CSMD1: variants seen among roughly 807,000 people sequenced by gnomAD.
CSMD1 encodes the protein CUB and Sushi multiple domains 1.
In CSMD1, 213 loss-of-function variants were observed where a neutral mutation model predicts 417.5. That is an observed-to-expected ratio of 0.51 (90% CI 0.46 to 0.57). The LOEUF (loss-of-function observed/expected upper bound fraction) is 0.57. Ranked by LOEUF, CSMD1 falls within the 20% of genes least tolerant of loss-of-function variation. The pLI is 0.00. For synonymous variants in CSMD1, 2,862 were observed against 1,736.8 expected, an observed-to-expected ratio of 1.65 and a Z score of -16.11; for missense variants, 6,923 against 4,529.7, an observed-to-expected ratio of 1.53 and a Z score of -15.17.
At chr8:4,465,022 A>T (rs1018162608) in intron 2 of CSMD1, among the ~76,000 whole-genome samples, 10 of 152,130 alleles carry the variant, frequency 6.6e-5, no homozygotes, top group African/African-American at 2.4e-4. Context: ...GGAAAGGAAG[A>T]AAATAGGAAA....
At chr8:3,299,611 C>T (rs1268038080) in intron 25 of CSMD1, among the ~76,000 whole-genome samples, 1 of 151,982 alleles carries the variant, frequency 6.6e-6, no homozygotes, top group Non-Finnish European at 1.5e-5. Context: ...AATTCTGCCT[C>T]ACAAAGTGTG....
intron 1 of CSMD1, among the ~76,000 whole-genome samples, chr8:4,751,038 T>C (rs943842502): frequency 6.6e-6 from 1 of 152,184 alleles, no homozygotes. Flanking sequence ...TATCAAATCT[T>C]TCAGGAGGTT....
At chr8:3,409,383 G>A (rs1421006790) in intron 13 of CSMD1, 40 bp downstream of exon 13, 1 of 1,534,568 alleles carries the variant, frequency 6.5e-7, no homozygotes, top group African/African-American at 1.4e-5. Context: ...CAAGATCCTT[G>A]CAGGACAGGA....
At chr8:4,617,091 T>C (rs1300405302) in intron 2 of CSMD1, among the ~76,000 whole-genome samples, 1 of 152,142 alleles carries the variant, frequency 6.6e-6, no homozygotes, top group East Asian at 1.9e-4. Context: ...ACTCTATATT[T>C]TTTCAAAATG....
intron 30 of CSMD1, among the ~76,000 whole-genome samples, chr8:3,211,053 T>C (rs957262254): frequency 5.3e-5 from 8 of 152,124 alleles, no homozygotes; most frequent in African/African-American, 1.9e-4. Flanking sequence ...ATTACATCTT[T>C]TGTTTTCTTG....
intron 3 of CSMD1, among the ~76,000 whole-genome samples, chr8:4,054,597 G>C (rs567150744): frequency 6.6e-6 from 1 of 152,084 alleles, no homozygotes; most frequent in Non-Finnish European, 1.5e-5. Context: ...TAATTGTGGA[G>C]GTGTATTTAG....
intron 15 of CSMD1, among the ~76,000 whole-genome samples, chr8:3,402,391 T>C (rs1380159860): frequency 6.6e-6 from 1 of 152,108 alleles, no homozygotes; most frequent in African/African-American, 2.4e-5. Context: ...TGCCACAGAG[T>C]TGGTGTTTTC....
At chr8:4,057,367 T>C (rs1798749669) in intron 3 of CSMD1, among the ~76,000 whole-genome samples, 1 of 150,906 alleles carries the variant, frequency 6.6e-6, no homozygotes, top group Non-Finnish European at 1.5e-5. Context: ...TTCGCCTACT[T>C]TTTGATGGGG....
intron 1 of CSMD1, among the ~76,000 whole-genome samples, chr8:4,866,654 C>T (rs557123891): frequency 6.6e-6 from 1 of 151,944 alleles, no homozygotes; most frequent in South Asian, 2.1e-4. Context: ...GGTTCTAATG[C>T]TCTCTTCTCT....
At chr8:3,279,588 G>A (rs1470091271) in intron 26 of CSMD1, among the ~76,000 whole-genome samples, 2 of 152,058 alleles carry the variant, frequency 1.3e-5, no homozygotes, top group African/African-American at 2.4e-5. Flanking sequence ...CTAGGAAGAA[G>A]GGATTATATT....
chr8:3,963,643 T>C (rs1458458228), intron 5 of CSMD1, among the ~76,000 whole-genome samples: 4 of 152,236 alleles, frequency 2.6e-5, no homozygotes, highest in African/African-American at 9.6e-5. Context: ...CATTTTTAAA[T>C]ACTAAAGCTA....
At chr8:4,109,380 AAT>A (rs1461580336) in intron 3 of CSMD1, among the ~76,000 whole-genome samples, 1 of 152,190 alleles carries the variant, frequency 6.6e-6, no homozygotes, top group African/African-American at 2.4e-5. Flanking sequence ...CTGGGCATAT[AAT>A]ATAGTGACCT....
chr8:4,472,049 A>T (rs1029072877), intron 2 of CSMD1, among the ~76,000 whole-genome samples: 1 of 152,192 alleles, frequency 6.6e-6, no homozygotes, highest in African/African-American at 2.4e-5. Flanking sequence ...TGGAACTCAG[A>T]TTTAATGCTT....
At chr8:4,072,656 T>G (rs970565164) in intron 3 of CSMD1, among the ~76,000 whole-genome samples, 5 of 152,190 alleles carry the variant, frequency 3.3e-5, no homozygotes, top group Non-Finnish European at 7.3e-5. Context: ...TAAGGAAGGC[T>G]TCCCCTTTAT....
intron 6 of CSMD1, among the ~76,000 whole-genome samples, chr8:3,717,083 G>T (rs1801882930): frequency 6.6e-6 from 1 of 152,102 alleles, no homozygotes; most frequent in South Asian, 2.1e-4. Flanking sequence ...GAACCTGCTG[G>T]CTTTACCATA....
intron 3 of CSMD1, among the ~76,000 whole-genome samples, chr8:4,102,467 G>C (rs1431849476): frequency 1.3e-5 from 2 of 152,280 alleles, no homozygotes; most frequent in East Asian, 3.9e-4. Context: ...GTTTCAGGCA[G>C]ATATCAAATC....
chr8:3,169,625 G>A (rs1429489892), intron 37 of CSMD1, among the ~76,000 whole-genome samples: 1 of 152,118 alleles, frequency 6.6e-6, no homozygotes, highest in East Asian at 1.9e-4. Flanking sequence ...CCACTGAACT[G>A]TACGCTTAAC....
At chr8:4,426,666 A>G (rs928446065) in intron 2 of CSMD1, among the ~76,000 whole-genome samples, 5 of 146,992 alleles carry the variant, frequency 3.4e-5, no homozygotes, top group African/African-American at 9.9e-5. Context: ...TTATAGTAAT[A>G]TTTTATTATA....
intron 3 of CSMD1, among the ~76,000 whole-genome samples, chr8:4,050,189 T>G (rs1197077617): frequency 6.6e-6 from 1 of 152,134 alleles, no homozygotes; most frequent in East Asian, 1.9e-4. Context: ...CTCTGGATGT[T>G]GACTTGATCA....
Sources: gnomAD v4.1 joint callset for allele counts (sites outside exome capture counted in the v4.1 genomes callset) on GRCh38, gnomAD v4.1.1 for gene constraint, MANE v1.5 for transcripts, NCBI Gene and HGNC (gene_info 2026-07-23, HGNC 2026-07-21) for gene names.